Variants in SLC13A1 observed in about 807,000 individuals in gnomAD.
SLC13A1 encodes the protein Na(+)/sulfate cotransporter.
SLC13A1 carries 65 observed loss-of-function variants against 70.0 expected under a neutral mutation model. The ratio of observed to expected loss-of-function variants is 0.93; its 90% CI spans 0.76 to 1.14. SLC13A1 has a LOEUF of 1.14. SLC13A1 is among the 50% of genes most tolerant of loss of function. The probability of loss-of-function intolerance (pLI) is 0.00; values close to 1 mark genes in which losing one functional copy is unlikely to be tolerated. For missense variants in SLC13A1, 726 were observed against 717.8 expected (o/e 1.01, Z -0.13); for synonymous variants, 275 against 250.5 (o/e 1.10, Z -0.92).
chr7:123,161,750 G>A (rs908320046), intron 6 of SLC13A1, among the ~76,000 whole-genome samples: 26 of 152,056 alleles, frequency 1.7e-4, no homozygotes, highest in African/African-American at 6.3e-4. Context: ...CTTAACTAGT[G>A]CAAGTGATAA....
At position 123,186,635 on chromosome 7, in the gene SLC13A1, A is replaced by G. The variant is rs1467289456; in HGVS notation, c.100-5534T>C. The G allele has an allele frequency of 4.6e-6, 2 of 433,372 alleles. 1 individual carries two copies. Among genetic ancestry groups the G allele is most frequent in the Non-Finnish European group, 9.3e-6 (2 of 214,934 alleles). The allele number at this position is 433,372 out of a possible 1,614,324, so 26.8% of individuals were successfully genotyped here. A position where few individuals can be genotyped will look rare whatever the true frequency, so the allele number is the denominator to read the frequency against. ...TCAAGAGAACGATGGTAAAACAGCA[A>G]TAAAAGAAGACCAGTTGTCAATTAA... On this transcript the variant is annotated intron_variant, in intron 1 of 14. Transcript: ENST00000194130.
At chr7:123,174,926 A>C (rs1795399455) in intron 2 of SLC13A1, among the ~76,000 whole-genome samples, 1 of 151,940 alleles carries the variant, frequency 6.6e-6, no homozygotes, top group African/African-American at 2.4e-5. Context: ...GGAAGATGTC[A>C]GTTCTTCTAA....
intron 7 of SLC13A1, among the ~76,000 whole-genome samples, chr7:123,139,378 A>T (rs1163724809): frequency 6.6e-6 from 1 of 151,996 alleles, no homozygotes; most frequent in Non-Finnish European, 1.5e-5. Flanking sequence ...TTTTTGCTAA[A>T]GATAGCTTTG....
rs537240943 is a variant in SLC13A1 at position 123,181,632 on chromosome 7, A to G, written c.100-531T>C. 1.1e-4 allele frequency among the ~76,000 whole-genome samples: 17 copies of G among 152,256 alleles called. No homozygotes were observed. The South Asian group carries it at 3.5e-3, about 32-fold the overall frequency. On this transcript the variant is annotated intron_variant, in intron 1 of 14. Transcript: ENST00000194130. ...TACTGTGTCTCAGAGAAAAGACATG[A>G]CAAGTTGTGTGGCATGGAAGAGCCT...
intron 1 of SLC13A1, among the ~76,000 whole-genome samples, chr7:123,194,229 C>T (rs1319886547): frequency 6.6e-6 from 1 of 152,106 alleles, no homozygotes; most frequent in African/African-American, 2.4e-5. Context: ...GTTTACATCA[C>T]AGCCTGAGCC....
At chr7:123,145,047 AT>A (rs772173365) in intron 7 of SLC13A1, among the ~76,000 whole-genome samples, 11 of 152,078 alleles carry the variant, frequency 7.2e-5, no homozygotes, top group Non-Finnish European at 1.2e-4. Flanking sequence ...CTTCCAGAGG[AT>A]TTTCCTCAAA....
At chr7:123,143,564 G>C (rs888740745) in intron 7 of SLC13A1, among the ~76,000 whole-genome samples, 1 of 152,154 alleles carries the variant, frequency 6.6e-6, no homozygotes, top group African/African-American at 2.4e-5. Context: ...CACAGCACAA[G>C]AATGCTCTCT....
chr7:123,154,805 T>C (rs1159955375), intron 6 of SLC13A1, among the ~76,000 whole-genome samples: 1 of 152,124 alleles, frequency 6.6e-6, no homozygotes, highest in Non-Finnish European at 1.5e-5. Flanking sequence ...TGATGACATC[T>C]CTTTCAGGGC....
At chr7:123,190,993 A>C (rs1450558980) in intron 1 of SLC13A1, among the ~76,000 whole-genome samples, 1 of 149,778 alleles carries the variant, frequency 6.7e-6, no homozygotes, top group Non-Finnish European at 1.5e-5. Flanking sequence ...TTCTGAGCGG[A>C]TTTTGTCAGT....
intron 8 of SLC13A1, among the ~76,000 whole-genome samples, chr7:123,133,140 A>G (rs992646861): frequency 6.6e-6 from 1 of 152,138 alleles, no homozygotes; most frequent in Non-Finnish European, 1.5e-5. Flanking sequence ...GGTAAATTCT[A>G]TCATCTTACA....
At chr7:123,195,190 T>G (rs535850212) in intron 1 of SLC13A1, among the ~76,000 whole-genome samples, 1 of 152,140 alleles carries the variant, frequency 6.6e-6, no homozygotes, top group Non-Finnish European at 1.5e-5. Flanking sequence ...TTTTCTGGTT[T>G]TGTCGAACTA....
At chr7:123,177,716 G>A (rs1454948316) in intron 2 of SLC13A1, among the ~76,000 whole-genome samples, 1 of 151,932 alleles carries the variant, frequency 6.6e-6, no homozygotes, top group Non-Finnish European at 1.5e-5. Flanking sequence ...CTTTCTTCAG[G>A]TATCACTATC....
intron 1 of SLC13A1, among the ~76,000 whole-genome samples, chr7:123,190,864 T>A (rs544325006): frequency 6.6e-6 from 1 of 152,268 alleles, no homozygotes; most frequent in Admixed American, 6.5e-5. Context: ...TTCCAGGATA[T>A]CTAACTAGTT....
chr7:123,156,468 A>T (rs1794720030), intron 6 of SLC13A1, among the ~76,000 whole-genome samples: 1 of 152,128 alleles, frequency 6.6e-6, no homozygotes, highest in South Asian at 2.1e-4. Flanking sequence ...TTGGTAGATG[A>T]TGTAACTAAA....
chr7:123,179,993 G>T (rs186413540), intron 2 of SLC13A1, among the ~76,000 whole-genome samples: 2 of 152,000 alleles, frequency 1.3e-5, no homozygotes, highest in Non-Finnish European at 2.9e-5. Flanking sequence ...GATTCCATGC[G>T]GCAGCAGAAT....
intron 12 of SLC13A1, among the ~76,000 whole-genome samples, chr7:123,120,273 T>A (rs1793332391): frequency 6.6e-6 from 1 of 152,080 alleles, no homozygotes; most frequent in East Asian, 1.9e-4. Context: ...TTCCTGAGAA[T>A]TGGTATAAGA....
At chr7:123,179,560 G>A (rs953359505) in intron 2 of SLC13A1, among the ~76,000 whole-genome samples, 33 of 152,090 alleles carry the variant, frequency 2.2e-4, no homozygotes, top group African/African-American at 7.7e-4. Context: ...CAATTTTGCT[G>A]CCTTTAGTCA....
At chr7:123,187,444 CTT>C (rs1415300518) in intron 1 of SLC13A1, among the ~76,000 whole-genome samples, 3 of 152,162 alleles carry the variant, frequency 2.0e-5, no homozygotes, top group Admixed American at 1.3e-4. Flanking sequence ...AATGTTGACA[CTT>C]TGCCACATTT....
chr7:123,149,780 A>C (rs180720175), intron 6 of SLC13A1, among the ~76,000 whole-genome samples: 8 of 152,280 alleles, frequency 5.3e-5, no homozygotes, highest in Non-Finnish European at 1.2e-4. Flanking sequence ...CTATCTCTAC[A>C]GTCCTTCAAC....
Sources: gnomAD v4.1 joint callset for allele counts (sites outside exome capture counted in the v4.1 genomes callset) on GRCh38, gnomAD v4.1.1 for gene constraint, MANE v1.5 for transcripts, NCBI Gene and HGNC (gene_info 2026-07-23, HGNC 2026-07-21) for gene names.